ADAM17: variants seen among roughly 807,000 people sequenced by gnomAD.
ADAM17 encodes disintegrin and metalloproteinase domain-containing protein 17.
A neutral mutation model predicts 96.7 loss-of-function variants in ADAM17; 39 were observed. The ratio of observed to expected loss-of-function variants is 0.40; its 90% CI spans 0.31 to 0.53. The LOEUF (loss-of-function observed/expected upper bound fraction) is 0.53, where lower values mean the gene tolerates loss of function less well. ADAM17 is among the 20% of genes least tolerant of loss of function. The pLI is 0.44. For missense variants in ADAM17, 777 were observed against 1,013.2 expected, an observed-to-expected ratio of 0.77 and a Z score of 3.17; for synonymous variants, 344 against 359.2, an observed-to-expected ratio of 0.96 and a Z score of 0.48.
intron 11 of ADAM17, among the ~76,000 whole-genome samples, chr2:9,508,569 C>T (rs190567835): frequency 5.3e-5 from 8 of 152,168 alleles, no homozygotes; most frequent in Admixed American, 5.2e-4. Flanking sequence ...TCACTCATGT[C>T]CTTTTACAGT....
In ADAM17 at chr2:9,490,412, G is replaced by A. The variant is rs55796712; in HGVS notation, c.2240C>T (p.Ser747Leu). Residue 747 changes from serine to leucine, a missense_variant, in exon 19 of 19, where the codon TCG becomes TTG. By Grantham distance (145) the Ser-to-Leu change is moderately radical. Around this residue, in one of 3 missense-constraint regions of ADAM17, gnomAD observed 197 missense variants for 219.4 expected, o/e 0.90. Transcript: ENST00000310823. ...GTCCAGTTTTGGAGCTGCTGGCGCC[G>A]AAGGGATCACAGGGGCAGGCTGCAG... ...GRLQPAPVIP[S>L]APAAPKLDHQ... 22,408 of 1,614,154 alleles carry A rather than the reference G, an allele frequency of 0.014. 221 individuals carry two copies. The highest frequency in any genetic ancestry group is 0.029 in the Middle Eastern group (174 of 6,060).
chr2:9,504,010 G>C (rs1663204111), intron 12 of ADAM17, among the ~76,000 whole-genome samples: 1 of 151,832 alleles, frequency 6.6e-6, no homozygotes, highest in African/African-American at 2.4e-5. Flanking sequence ...AAAAAAATTA[G>C]CCAGGTGGCA....
chr2:9,491,476 CA>C (rs1007301956), intron 17 of ADAM17, among the ~76,000 whole-genome samples: 1 of 152,224 alleles, frequency 6.6e-6, no homozygotes, highest in Non-Finnish European at 1.5e-5. Context: ...CATGAAATGA[CA>C]AATGTCCCAG....
chr2:9,548,281 G>A (rs576023133), intron 1 of ADAM17, among the ~76,000 whole-genome samples: 38 of 152,004 alleles, frequency 2.5e-4, no homozygotes, highest in Admixed American at 3.9e-4. Context: ...GCAGTGAGCC[G>A]AGATCATGCC....
At chr2:9,514,626 C>A (rs1366727877) in intron 10 of ADAM17, among the ~76,000 whole-genome samples, 1 of 146,520 alleles carries the variant, frequency 6.8e-6, no homozygotes, top group Non-Finnish European at 1.5e-5. Context: ...GTAATTCCAA[C>A]ACTTTGGGAG....
At chr2:9,509,215 C>T (rs905136211) in intron 11 of ADAM17, among the ~76,000 whole-genome samples, 4 of 152,208 alleles carry the variant, frequency 2.6e-5, no homozygotes, top group Non-Finnish European at 1.5e-5. Context: ...TCCCCACCGA[C>T]CCTCTTTAAC....
intron 11 of ADAM17, among the ~76,000 whole-genome samples, chr2:9,509,243 G>A (rs1269335529): frequency 6.6e-6 from 1 of 152,150 alleles, no homozygotes; most frequent in Non-Finnish European, 1.5e-5. Context: ...TGCAACTATT[G>A]TTTTCCTCAC....
rs549759543 is a variant in ADAM17 at position 9,546,440 on chromosome 2, C to T, written c.98-3155G>A. ...GGAGCCAAACTGTAGCTACGTACTA[C>T]TGCTATTGTGTTTTCACTAACAAGT... On this transcript the variant is annotated intron_variant, in intron 1 of 18. Coordinates refer to ENST00000310823, the MANE Select transcript of ADAM17 (RefSeq NM_003183.6). Among the ~76,000 whole-genome samples, 135 of 152,298 alleles carry T rather than the reference C, an allele frequency of 8.9e-4. 3 individuals are homozygous for T. The highest frequency in any genetic ancestry group is 6.8e-3 in the Middle Eastern group (2 of 294).
At chr2:9,546,796 G>A (rs1424914810) in intron 1 of ADAM17, among the ~76,000 whole-genome samples, 2 of 143,518 alleles carry the variant, frequency 1.4e-5, no homozygotes, top group South Asian at 2.1e-4. Context: ...TGCAACCTCC[G>A]CCTCCTGGGT....
At chr2:9,491,378 G>GTACA (rs1269689575) in intron 17 of ADAM17, among the ~76,000 whole-genome samples, 6 of 152,252 alleles carry the variant, frequency 3.9e-5, no homozygotes, top group Non-Finnish European at 5.9e-5. Flanking sequence ...TTGGCGTTAA[G>GTACA]TACAGAAAGA....
At chr2:9,531,624 C>G (rs1046173235) in intron 4 of ADAM17, among the ~76,000 whole-genome samples, 4 of 152,090 alleles carry the variant, frequency 2.6e-5, no homozygotes, top group African/African-American at 9.7e-5. Context: ...AATGCTTGAA[C>G]CTGGGAGGCG....
rs55909096 is a variant in ADAM17 at position 9,520,964 on chromosome 2, C to CAAA, written c.957+236_957+238dup. Among the ~76,000 whole-genome samples, 30 of 26,282 alleles carry CAAA rather than the reference C, an allele frequency of 1.1e-3. 1 individual carries two copies. The highest frequency in any genetic ancestry group is 7.1e-3 in the South Asian group (6 of 846). 17.2% of individuals were successfully genotyped at this position (26,282 alleles called of 152,430 possible). ...GGGCAACAAGAGTGAAACTCTGTCT[C>CAAA]AAAAAAAAAAAAAAAAAAAAAAGGA... On this transcript the variant is annotated intron_variant, in intron 8 of 18. Transcript: ENST00000310823.
rs374219612 is a variant in ADAM17, at chr2:9,538,816, A to T, written c.231-1988T>A. Among the ~76,000 whole-genome samples the T allele has an allele frequency of 4.4e-3, 664 of 152,254 alleles. 5 individuals are homozygous for T. The highest frequency in any genetic ancestry group is 0.015 in the African/African-American group (642 of 41,542). ...ATTATGTGAAGTCATTTTCTTACAG[A>T]TTTCTTTAACGTTTTATCTTTCTGA... On this transcript the variant is annotated intron_variant, in intron 2 of 18. Coordinates refer to ENST00000310823, the MANE Select transcript of ADAM17 (RefSeq NM_003183.6).
intron 10 of ADAM17, among the ~76,000 whole-genome samples, chr2:9,513,985 T>C (rs1263433471): frequency 7.1e-6 from 1 of 141,478 alleles, no homozygotes; most frequent in Non-Finnish European, 1.5e-5. Context: ...CACTCCAGCC[T>C]GGGCAACAAG....
At chr2:9,549,701 T>G (rs1665524111) in intron 1 of ADAM17, among the ~76,000 whole-genome samples, 2 of 152,066 alleles carry the variant, frequency 1.3e-5, no homozygotes, top group South Asian at 2.1e-4. Flanking sequence ...TATTTTTTTG[T>G]AGAGACAAGG....
At chr2:9,502,131 A>G (rs1249594660) in intron 13 of ADAM17, 42 bp downstream of exon 13, 4 of 1,528,332 alleles carry the variant, frequency 2.6e-6, no homozygotes, top group African/African-American at 2.7e-5. Flanking sequence ...ACACACACAC[A>G]CTTGACCCAC....
intron 6 of ADAM17, 92 bp downstream of exon 6, chr2:9,526,019 G>C (rs1664509024): frequency 8.6e-7 from 1 of 1,157,292 alleles, no homozygotes; most frequent in African/African-American, 1.6e-5. Context: ...AAATAACAGA[G>C]TATCTGGAAC....
chr2:9,508,153 T>C (rs965844632), intron 11 of ADAM17, among the ~76,000 whole-genome samples: 3 of 152,196 alleles, frequency 2.0e-5, no homozygotes, highest in Non-Finnish European at 4.4e-5. Context: ...CCAAGAAGCA[T>C]ATGACCTATT....
intron 4 of ADAM17, among the ~76,000 whole-genome samples, chr2:9,529,342 CT>C (rs1664648959): frequency 4.6e-5 from 7 of 151,698 alleles, no homozygotes. Flanking sequence ...TCCCAGCTAC[CT>C]GGGAGGCTGA....
Sources: allele counts gnomAD v4.1 joint callset (sites outside exome capture counted in the v4.1 genomes callset), GRCh38; gene constraint gnomAD v4.1.1; regional missense constraint gnomAD v4.1.1; transcripts MANE v1.5; gene names NCBI Gene and HGNC (gene_info 2026-07-23, HGNC 2026-07-21).